Variants in RTN4R observed in about 807,000 individuals in gnomAD.
RTN4R encodes reticulon-4 receptor.
Under a neutral mutation model 27.7 loss-of-function variants are expected in RTN4R, and 4 were observed. The ratio of observed to expected loss-of-function variants is 0.14; its 90% CI spans 0.07 to 0.33. The LOEUF (loss-of-function observed/expected upper bound fraction) is 0.33. Ranked by LOEUF, RTN4R falls within the 10% of genes least tolerant of loss-of-function variation. The pLI is 1.00. For missense variants in RTN4R, 554 were observed against 671.5 expected (o/e 0.83, Z 1.93); for synonymous variants, 290 against 305.6 (o/e 0.95, Z 0.53).
chr22:20,249,025 C>T (rs2051159379), intron 1 of RTN4R: 1 of 477,366 alleles, frequency 2.1e-6, no homozygotes, highest in South Asian at 1.5e-5. Flanking sequence ...TCGCCCAGCC[C>T]AGGGCACAGC....
At position 20,241,576 on chromosome 22, in the gene RTN4R, C is replaced by A. The variant is rs988432143; in HGVS notation, c.*135G>T. The A allele has an allele frequency of 4.4e-6, 4 of 913,682 alleles. No individual in the cohort carries two copies. In the East Asian group the frequency reaches 8.0e-5, roughly 18 times the overall value. 56.6% of individuals were successfully genotyped at this position (913,682 alleles called of 1,614,324 possible). On this transcript the variant is annotated 3_prime_UTR_variant, in exon 2 of 2. Coordinates refer to ENST00000043402, the MANE Select transcript of RTN4R (RefSeq NM_023004.6). Reference sequence around the variant, plus strand: ...ATGGGGTGGAGATGGGGGTGGCGGGCGGCAGGCGTCCATCAGGGAGGACCT... The same window carrying A: ...ATGGGGTGGAGATGGGGGTGGCGGGAGGCAGGCGTCCATCAGGGAGGACCT...
chr22:20,241,903 G>C lies in RTN4R; in HGVS notation c.1230C>G (p.Thr410=), dbSNP rs751381193. The change falls in exon 2 of 2, where the codon ACC becomes ACG. Residue 410 remains threonine, a synonymous_variant. Transcript: ENST00000043402. ...PEGSEPPGFP[T]SGPRRRPGCS... ...AGCCTGGCCTCCGGCGAGGGCCCGA[G>C]GTGGGGAACCCTGGTGGCTCGGAGC... 3.1e-6 allele frequency: 5 copies of C among 1,605,972 alleles called. No individual in the cohort carries two copies. The highest frequency in any genetic ancestry group is 4.2e-6 in the Non-Finnish European group (5 of 1,176,832).
chr22:20,263,700 C>T (rs965153163), intron 1 of RTN4R, among the ~76,000 whole-genome samples: 1 of 152,262 alleles, frequency 6.6e-6, no homozygotes, highest in African/African-American at 2.4e-5. Flanking sequence ...TACATGGGGA[C>T]CCTGGCCTGT....
chr22:20,267,809 G>A (rs1367509317), intron 1 of RTN4R: 1 of 377,294 alleles, frequency 2.7e-6, no homozygotes, highest in Non-Finnish European at 5.1e-6. Flanking sequence ...GGGACCCTCG[G>A]ACCGCCACCC....
chr22:20,243,064 C>A lies in RTN4R; in HGVS notation c.69G>T (p.Val23=). 1.2e-6 allele frequency: 2 copies of A among 1,600,892 alleles called. No homozygotes were observed. The highest frequency in any genetic ancestry group is 1.7e-6 in the Non-Finnish European group (2 of 1,179,826). The change falls in exon 2 of 2, where the codon GTG becomes GTT. Residue 23 remains valine, a synonymous_variant. Transcript: ENST00000043402. ...AWVLWLQAWQ[V]AAPCPGACVC... is the part of the protein sequence containing the mutation. ...CGCAGGCACCTGGGCATGGGGCTGC[C>A]ACCTGCCAGGCCTGCAGCCACAGCA...
At chr22:20,245,226 G>A (rs889318810) in intron 1 of RTN4R, among the ~76,000 whole-genome samples, 2 of 152,172 alleles carry the variant, frequency 1.3e-5, no homozygotes, top group Non-Finnish European at 2.9e-5. Context: ...GGTATTGGGC[G>A]CAAAGACACG....
chr22:20,263,867 C>A (rs1325958806), intron 1 of RTN4R, among the ~76,000 whole-genome samples: 2 of 152,270 alleles, frequency 1.3e-5, no homozygotes, highest in African/African-American at 4.8e-5. Flanking sequence ...GCCCTGCTGC[C>A]CCGCAGAAGA....
intron 1 of RTN4R, among the ~76,000 whole-genome samples, chr22:20,260,480 G>A (rs559357593): frequency 3.9e-5 from 6 of 152,290 alleles, no homozygotes; most frequent in Admixed American, 6.5e-5. Context: ...CATGCGTGGA[G>A]GCAGGTGGGG....
intron 1 of RTN4R, among the ~76,000 whole-genome samples, chr22:20,245,715 A>G (rs1054858019): frequency 6.6e-6 from 1 of 152,144 alleles, no homozygotes; most frequent in Non-Finnish European, 1.5e-5. Context: ...CAACTCTAAT[A>G]GGATGCTCTA....
At chr22:20,249,935 A>T (rs577153403) in intron 1 of RTN4R, among the ~76,000 whole-genome samples, 32 of 152,278 alleles carry the variant, frequency 2.1e-4, no homozygotes, top group Admixed American at 3.9e-4. Context: ...ACAGGCTCCC[A>T]TTGGAGCCAT....
Position 20,243,048 on chromosome 22 carries a change from C to T in RTN4R, c.85G>A (p.Gly29Ser), listed in dbSNP as rs1347985265. 6 of 1,602,444 alleles carry T rather than the reference C, an allele frequency of 3.7e-6. No homozygotes were observed. Among genetic ancestry groups the T allele is most frequent in the Non-Finnish European group, 4.2e-6 (5 of 1,179,904 alleles). The change falls in exon 2 of 2, where the codon GGT becomes AGT. Residue 29 changes from glycine to serine, a missense_variant. By Grantham distance (56) the Gly-to-Ser change is moderately conservative (BLOSUM62 0). This residue lies in a region of RTN4R where 413 missense variants were observed against 542.3 expected (regional missense o/e 0.76). Coordinates refer to ENST00000043402, the MANE Select transcript of RTN4R (RefSeq NM_023004.6). ...QAWQVAAPCP[G>S]ACVCYNEPKV... The stretch of plus-strand genomic sequence containing the variant: ...GGCTCATTGTAGCATACGCAGGCAC[C>T]TGGGCATGGGGCTGCCACCTGCCAG...
intron 1 of RTN4R, among the ~76,000 whole-genome samples, chr22:20,265,637 C>A (rs1185623972): frequency 6.6e-6 from 1 of 152,222 alleles, no homozygotes; most frequent in African/African-American, 2.4e-5. Context: ...CCAAGCTGGG[C>A]AGCATCCCTG....
At chr22:20,265,836 G>A (rs1157862217) in intron 1 of RTN4R, among the ~76,000 whole-genome samples, 1 of 152,214 alleles carries the variant, frequency 6.6e-6, no homozygotes, top group Non-Finnish European at 1.5e-5. Flanking sequence ...GAACTCCACA[G>A]GGAAAGCCGG....
intron 1 of RTN4R, 37 bp downstream of exon 1, chr22:20,268,024 TCCGCGCCCCG>T (rs1004944507): frequency 3.5e-5 from 39 of 1,123,352 alleles, no homozygotes; most frequent in Middle Eastern, 3.5e-4. Flanking sequence ...GCCGCCCCCC[TCCGCGCCCCG>T]CCGCCGGCCG....
chr22:20,246,604 G>A (rs545652269), intron 1 of RTN4R, among the ~76,000 whole-genome samples: 28 of 152,324 alleles, frequency 1.8e-4, no homozygotes, highest in Non-Finnish European at 4.0e-4. Context: ...GCAGCCCAGG[G>A]AGCTGAGCCG....
intron 1 of RTN4R, among the ~76,000 whole-genome samples, chr22:20,263,242 C>T (rs1049581139): frequency 6.6e-6 from 1 of 152,102 alleles, no homozygotes; most frequent in African/African-American, 2.4e-5. Flanking sequence ...GCTGGAGGCC[C>T]ACAGGTCTCC....
At chr22:20,243,159 G>A in intron 1 of RTN4R, 49 bp from the exon 2 acceptor site, 1 of 1,570,024 alleles carries the variant, frequency 6.4e-7, no homozygotes, top group Non-Finnish European at 8.6e-7. Flanking sequence ...GGGTACTGGA[G>A]AAGCTGGAGG....
chr22:20,257,440 G>A (rs564621613), intron 1 of RTN4R, among the ~76,000 whole-genome samples: 1 of 152,246 alleles, frequency 6.6e-6, no homozygotes, highest in South Asian at 2.1e-4. Context: ...AAGAGAAAGA[G>A]ACCTCAGAGA....
At chr22:20,261,520 G>C (rs995071351) in intron 1 of RTN4R, among the ~76,000 whole-genome samples, 1 of 152,236 alleles carries the variant, frequency 6.6e-6, no homozygotes, top group East Asian at 1.9e-4. Context: ...CGTGCGGACA[G>C]GGAGGCTCAG....
Sources: gnomAD v4.1 joint callset for allele counts (sites outside exome capture counted in the v4.1 genomes callset) on GRCh38, gnomAD v4.1.1 for gene constraint, gnomAD v4.1.1 regional missense constraint, MANE v1.5 for transcripts, NCBI Gene and HGNC (gene_info 2026-07-23, HGNC 2026-07-21) for gene names.